The following EPB41L3 variants were observed in gnomAD, a reference collection of about 807,000 sequenced individuals.
EPB41L3 encodes the protein erythrocyte membrane protein band 4.1 like 3, also known as band 4.1-like protein 3.
In EPB41L3, 57 loss-of-function variants were observed where a neutral mutation model predicts 127.1. The ratio of observed to expected loss-of-function variants is 0.45; its 90% CI spans 0.36 to 0.56. EPB41L3 has a LOEUF of 0.56. Ranked by LOEUF, EPB41L3 falls within the 20% of genes least tolerant of loss-of-function variation. The probability of loss-of-function intolerance (pLI) is 0.00; values close to 1 mark genes in which losing one functional copy is unlikely to be tolerated. For synonymous variants in EPB41L3, 572 were observed against 549.5 expected, an observed-to-expected ratio of 1.04 and a Z score of -0.57; for missense variants, 1,273 against 1,372.2, an observed-to-expected ratio of 0.93 and a Z score of 1.14.
At chr18:5,398,470 T>A in intron 16 of EPB41L3, 1 of 433,194 alleles carries the variant, frequency 2.3e-6, no homozygotes, top group Non-Finnish European at 4.0e-6. Flanking sequence ...AGTGTTTTAA[T>A]GCTGACTTTG....
At chr18:5,420,389 T>TTCC (rs2077331032) in intron 11 of EPB41L3, among the ~76,000 whole-genome samples, 1 of 152,202 alleles carries the variant, frequency 6.6e-6, no homozygotes, top group Non-Finnish European at 1.5e-5. Flanking sequence ...TTTCATATTA[T>TTCC]TATTATTAAT....
At chr18:5,569,718 G>C (rs144721412) in intron 3 of EPB41L3, among the ~76,000 whole-genome samples, 156 of 152,166 alleles carry the variant, frequency 1.0e-3, no homozygotes, top group Non-Finnish European at 1.4e-3. Context: ...TGGTTTTTCC[G>C]GCATTCCTAA....
intron 1 of EPB41L3, among the ~76,000 whole-genome samples, chr18:5,501,706 G>C (rs892556346): frequency 6.6e-6 from 1 of 152,208 alleles, no homozygotes; most frequent in Admixed American, 6.5e-5. Flanking sequence ...GAGTCTGACA[G>C]ACTGTTGGCA....
intron 1 of EPB41L3, among the ~76,000 whole-genome samples, chr18:5,497,975 C>T (rs6506309): frequency 0.013 from 1,907 of 152,234 alleles, 37 homozygotes; most frequent in African/African-American, 0.044. Context: ...ACTGATGCTG[C>T]CATTATCAGA....
intron 3 of EPB41L3, among the ~76,000 whole-genome samples, chr18:5,588,196 A>G (rs976946532): frequency 6.6e-6 from 1 of 152,182 alleles, no homozygotes; most frequent in Non-Finnish European, 1.5e-5. Context: ...ACAACCACAC[A>G]ATAGTCAGTA....
chr18:5,413,049 AAC>A (rs1416129139), intron 13 of EPB41L3, among the ~76,000 whole-genome samples: 2 of 152,214 alleles, frequency 1.3e-5, no homozygotes, highest in African/African-American at 2.4e-5. Flanking sequence ...GGCTGAATAA[AAC>A]AGTTTTTATA....
intron 11 of EPB41L3, among the ~76,000 whole-genome samples, chr18:5,422,058 A>G (rs952145271): frequency 6.6e-6 from 1 of 152,166 alleles, no homozygotes; most frequent in Non-Finnish European, 1.5e-5. Flanking sequence ...GCTTTCACAT[A>G]TATCTTGCTT....
intron 1 of EPB41L3, among the ~76,000 whole-genome samples, chr18:5,621,779 G>A (rs552544526): frequency 6.6e-6 from 1 of 152,250 alleles, no homozygotes; most frequent in South Asian, 2.1e-4. Context: ...CTGTCCATTT[G>A]AAAACATGAA....
chr18:5,504,306 T>C (rs189862726), intron 1 of EPB41L3, among the ~76,000 whole-genome samples: 4 of 152,276 alleles, frequency 2.6e-5, no homozygotes, highest in Admixed American at 2.6e-4. Flanking sequence ...TTTCCCCAGG[T>C]AATTTCTAGA....
chr18:5,555,749 C>A (rs1300003848), intron 3 of EPB41L3, among the ~76,000 whole-genome samples: 1 of 152,180 alleles, frequency 6.6e-6, no homozygotes, highest in Admixed American at 6.5e-5. Context: ...TGAGTGAGCA[C>A]TCAGAGATAC....
At chr18:5,558,332 A>C (rs1372271658) in intron 3 of EPB41L3, among the ~76,000 whole-genome samples, 2 of 152,226 alleles carry the variant, frequency 1.3e-5, no homozygotes, top group Non-Finnish European at 2.9e-5. Flanking sequence ...ATGAGGACTT[A>C]TTGGAGTCTG....
intron 1 of EPB41L3, among the ~76,000 whole-genome samples, chr18:5,522,854 T>G (rs2093051918): frequency 6.6e-6 from 1 of 152,228 alleles, no homozygotes; most frequent in Non-Finnish European, 1.5e-5. Context: ...GAAAAGTGCC[T>G]GGCATATGAT....
At chr18:5,574,405 A>T (rs2094316428) in intron 3 of EPB41L3, among the ~76,000 whole-genome samples, 1 of 148,920 alleles carries the variant, frequency 6.7e-6, no homozygotes. Flanking sequence ...TCTATTTTCA[A>T]CCTTATTAGA....
rs540844578 is a variant in EPB41L3 at position 5,433,938 on chromosome 18, C to T, written c.789G>A (p.Leu263=). Residue 263 remains leucine, a synonymous_variant, in exon 7 of 23, where the codon CTG becomes CTA. Coordinates refer to ENST00000341928, the MANE Select transcript of EPB41L3 (RefSeq NM_012307.5). ...FRFAPNHTKE[L]EDKVIELHKS... is the part of the protein sequence containing the mutation. ...TGTGCAGCTCGATCACTTTGTCTTC[C>T]AGTTCTTTAGTGTGGTTTGGTGCAA... 463 of 1,614,182 alleles carry T rather than the reference C, an allele frequency of 2.9e-4. 5 individuals are homozygous for T. The South Asian group carries it at 4.9e-3, about 17-fold the overall frequency.
chr18:5,614,749 T>C (rs182946836), intron 1 of EPB41L3, among the ~76,000 whole-genome samples: 1 of 152,256 alleles, frequency 6.6e-6, no homozygotes, highest in African/African-American at 2.4e-5. Context: ...TGCGCTATGA[T>C]TACGAAATGT....
intron 1 of EPB41L3, among the ~76,000 whole-genome samples, chr18:5,524,338 C>A (rs1299688997): frequency 6.6e-6 from 1 of 152,148 alleles, no homozygotes; most frequent in East Asian, 1.9e-4. Context: ...GGATTACAGG[C>A]ACCTGCCACC....
At chr18:5,426,403 T>C (rs568117931) in intron 9 of EPB41L3, among the ~76,000 whole-genome samples, 1 of 152,160 alleles carries the variant, frequency 6.6e-6, no homozygotes, top group African/African-American at 2.4e-5. Context: ...TCCTCTATCC[T>C]GTCTCTACGA....
chr18:5,575,483 C>T (rs114189269), intron 3 of EPB41L3, among the ~76,000 whole-genome samples: 2,935 of 152,138 alleles, frequency 0.019, 74 homozygotes, highest in African/African-American at 0.061. Context: ...ATGTGACACC[C>T]CTGCACCCTC....
chr18:5,419,720 G>T lies in EPB41L3; in HGVS notation c.1497C>A (p.His499Gln). The T allele has an allele frequency of 6.2e-7, 1 of 1,614,024 alleles. No homozygotes were observed. Among genetic ancestry groups the T allele is most frequent in the Non-Finnish European group, 8.5e-7 (1 of 1,180,016 alleles). ...EEVTPISAIR[H>Q]EGKSPGLGTD... ...AGTCTGGGAGCTATACCTTTCCCTC[G>T]TGCCGGATGGCCGAGATGGGCGTGA... The change falls in exon 12 of 23, where the codon CAC becomes CAA. Residue 499 changes from histidine to glutamine, a missense_variant. Physicochemically the swap from His to Gln is conservative, Grantham distance 24. Coordinates refer to ENST00000341928, the MANE Select transcript of EPB41L3 (RefSeq NM_012307.5).
Sources: allele counts gnomAD v4.1 joint callset (sites outside exome capture counted in the v4.1 genomes callset), GRCh38; gene constraint gnomAD v4.1.1; transcripts MANE v1.5; gene names NCBI Gene and HGNC (gene_info 2026-07-23, HGNC 2026-07-21).